The following CNTNAP2 variants were observed in gnomAD, a reference collection of about 807,000 sequenced individuals.
CNTNAP2 encodes the protein contactin associated protein 2.
CNTNAP2 carries 98 observed loss-of-function variants against 155.2 expected under a neutral mutation model. The observed-to-expected ratio is 0.63, with a 90% CI of 0.54 to 0.75. CNTNAP2 has a LOEUF of 0.75. CNTNAP2 is among the 30% of genes least tolerant of loss of function. CNTNAP2 has a pLI of 0.00. For missense variants in CNTNAP2, 1,727 were observed against 1,688.1 expected, an observed-to-expected ratio of 1.02 and a Z score of -0.40; for synonymous variants, 651 against 631.2, an observed-to-expected ratio of 1.03 and a Z score of -0.47.
chr7:146,601,503 G>A (rs1048561049), intron 1 of CNTNAP2, among the ~76,000 whole-genome samples: 2 of 152,070 alleles, frequency 1.3e-5, no homozygotes, highest in African/African-American at 4.8e-5. Flanking sequence ...GTTGCAGATA[G>A]GAAGACTCGA....
chr7:147,737,026 A>G (rs929842481), intron 13 of CNTNAP2, among the ~76,000 whole-genome samples: 13 of 152,162 alleles, frequency 8.5e-5, no homozygotes, highest in African/African-American at 3.1e-4. Context: ...TCAACTCATC[A>G]AAGTCATTCT....
intron 8 of CNTNAP2, among the ~76,000 whole-genome samples, chr7:147,214,476 G>T (rs1469933651): frequency 6.6e-6 from 1 of 151,988 alleles, no homozygotes; most frequent in Non-Finnish European, 1.5e-5. Context: ...ATTTACTTAT[G>T]TATGTTAATA....
chr7:147,839,300 C>T (rs557012583), intron 13 of CNTNAP2, among the ~76,000 whole-genome samples: 1 of 152,208 alleles, frequency 6.6e-6, no homozygotes, highest in Non-Finnish European at 1.5e-5. Context: ...TTGCATCCTT[C>T]AATCCAATCA....
At chr7:147,827,701 A>G (rs1323834993) in intron 13 of CNTNAP2, among the ~76,000 whole-genome samples, 1 of 152,178 alleles carries the variant, frequency 6.6e-6, no homozygotes, top group Non-Finnish European at 1.5e-5. Flanking sequence ...TAGCTCCTGT[A>G]GTGCTGGCTA....
intron 10 of CNTNAP2, among the ~76,000 whole-genome samples, chr7:147,396,375 G>T (rs913196691): frequency 1.3e-5 from 2 of 151,630 alleles, no homozygotes; most frequent in Admixed American, 6.6e-5. Context: ...CTTGGCCTCA[G>T]CATGTGCCTT....
At chr7:146,535,521 A>G (rs1326976342) in intron 1 of CNTNAP2, among the ~76,000 whole-genome samples, 1 of 108,030 alleles carries the variant, frequency 9.3e-6, no homozygotes, top group African/African-American at 5.6e-5. Flanking sequence ...ATCAATCAAC[A>G]TTTGTTTATT....
chr7:148,207,823 C>A (rs1393317169), intron 18 of CNTNAP2, among the ~76,000 whole-genome samples: 1 of 152,122 alleles, frequency 6.6e-6, no homozygotes, highest in Non-Finnish European at 1.5e-5. Context: ...GTCATCACAG[C>A]GTGGTGGCTC....
chr7:147,562,566 C>A (rs1215311619), intron 12 of CNTNAP2, among the ~76,000 whole-genome samples: 4 of 152,170 alleles, frequency 2.6e-5, no homozygotes, highest in East Asian at 3.9e-4. Context: ...AACTAGTAAC[C>A]TAGATTAGGG....
intron 1 of CNTNAP2, among the ~76,000 whole-genome samples, chr7:146,418,576 G>A (rs1639505): frequency 0.42 from 64,406 of 151,814 alleles, 16,610 homozygotes; most frequent in African/African-American, 0.72. Context: ...TTCTTAAATT[G>A]GTACATAATG....
chr7:147,763,419 CTTT>C (rs57029271), intron 13 of CNTNAP2, among the ~76,000 whole-genome samples: 3 of 143,114 alleles, frequency 2.1e-5, no homozygotes, highest in Non-Finnish European at 1.5e-5. Context: ...ACAAATTTTT[CTTT>C]TTTTTTTTTT....
chr7:146,567,945 A>G (rs1798384070), intron 1 of CNTNAP2, among the ~76,000 whole-genome samples: 1 of 152,170 alleles, frequency 6.6e-6, no homozygotes, highest in Admixed American at 6.5e-5. Flanking sequence ...TGGTGTCTCG[A>G]AAAACATTTT....
chr7:146,320,950 G>A (rs115678433), intron 1 of CNTNAP2, among the ~76,000 whole-genome samples: 5,055 of 152,098 alleles, frequency 0.033, 138 homozygotes, highest in African/African-American at 0.076. Context: ...ACAGATATCA[G>A]TTAAGGGCTA....
intron 17 of CNTNAP2, among the ~76,000 whole-genome samples, chr7:148,166,216 T>C (rs1359676804): frequency 6.6e-6 from 1 of 152,110 alleles, no homozygotes; most frequent in South Asian, 2.1e-4. Context: ...TTGTTAAATT[T>C]CTCTTTCTGC....
At chr7:146,992,999 G>A (rs1484674402) in intron 3 of CNTNAP2, among the ~76,000 whole-genome samples, 5 of 152,106 alleles carry the variant, frequency 3.3e-5, no homozygotes, top group South Asian at 2.1e-4. Flanking sequence ...CAGTGAATCC[G>A]TATGGGTCTG....
intron 1 of CNTNAP2, among the ~76,000 whole-genome samples, chr7:146,173,779 C>A (rs1798428684): frequency 6.6e-6 from 1 of 152,124 alleles, no homozygotes; most frequent in Admixed American, 6.6e-5. Context: ...ATATACTCAG[C>A]ATGTGTTAGT....
At chr7:147,924,547 G>A (rs1179470768) in intron 14 of CNTNAP2, among the ~76,000 whole-genome samples, 2 of 152,120 alleles carry the variant, frequency 1.3e-5, no homozygotes, top group African/African-American at 2.4e-5. Context: ...GCTTAGAGAG[G>A]ATAATTAACC....
chr7:148,390,551 C>T (rs1799322706), intron 22 of CNTNAP2, among the ~76,000 whole-genome samples: 1 of 150,592 alleles, frequency 6.6e-6, no homozygotes, highest in Non-Finnish European at 1.5e-5. Context: ...CTACTCAATC[C>T]ATACCTATAC....
chr7:147,272,708 C>G (rs185328917), intron 8 of CNTNAP2, among the ~76,000 whole-genome samples: 1 of 147,076 alleles, frequency 6.8e-6, no homozygotes, highest in African/African-American at 2.5e-5. Context: ...GGGGTTTCAC[C>G]GTGTTAGCCA....
At chr7:147,684,367 A>C (rs1056356653) in intron 13 of CNTNAP2, among the ~76,000 whole-genome samples, 3 of 151,846 alleles carry the variant, frequency 2.0e-5, no homozygotes, top group African/African-American at 7.2e-5. Context: ...TACCCCCAAA[A>C]TTATTAAAGC....
Sources: allele counts gnomAD v4.1 joint callset (sites outside exome capture counted in the v4.1 genomes callset), GRCh38; gene constraint gnomAD v4.1.1; transcripts MANE v1.5; gene names NCBI Gene and HGNC (gene_info 2026-07-23, HGNC 2026-07-21).